NSL1: variants seen among roughly 807,000 people sequenced by gnomAD.
NSL1 encodes the protein NSL1 component of MIS12 kinetochore complex.
A neutral mutation model predicts 25.4 loss-of-function variants in NSL1; 11 were observed. The observed-to-expected ratio is 0.43, with a 90% CI of 0.27 to 0.72. The LOEUF (loss-of-function observed/expected upper bound fraction) is 0.72, where lower values mean the gene tolerates loss of function less well. Ranked by LOEUF, NSL1 falls within the 30% of genes least tolerant of loss-of-function variation. The pLI is 0.19. For missense variants in NSL1, 330 were observed against 342.7 expected (o/e 0.96, Z 0.29); for synonymous variants, 118 against 120.6 (o/e 0.98, Z 0.14).
chr1:212,748,919 C>T (rs1056513042), intron 4 of NSL1, among the ~76,000 whole-genome samples: 3 of 151,998 alleles, frequency 2.0e-5, no homozygotes, highest in East Asian at 1.9e-4. Context: ...ATACAATAAA[C>T]GCACTGTTTT....
chr1:212,790,932 A>T (rs893100532), intron 1 of NSL1, among the ~76,000 whole-genome samples: 5 of 148,826 alleles, frequency 3.4e-5, no homozygotes, highest in Non-Finnish European at 5.9e-5. Context: ...CAAAAAAAAA[A>T]AATAAAATAA....
chr1:212,759,936 G>A (rs1412173656), intron 4 of NSL1, among the ~76,000 whole-genome samples: 1 of 152,126 alleles, frequency 6.6e-6, no homozygotes, highest in African/African-American at 2.4e-5. Context: ...CAAGGCTACT[G>A]CGCACTGGCA....
At chr1:212,781,931 C>T (rs978614062) in intron 4 of NSL1, 11 of 382,080 alleles carry the variant, frequency 2.9e-5, no homozygotes, top group East Asian at 7.1e-5. Flanking sequence ...AATGAGTATA[C>T]TTATTTCTTC....
rs1354036994 is a variant in NSL1, at chr1:212,729,349, C to A, written c.*9059G>T. 7.1e-6 allele frequency: 7 copies of A among 981,884 alleles called. No individual in the cohort carries two copies. The highest frequency in any genetic ancestry group is 1.8e-5 in the African/African-American group (1 of 57,126). The allele number at this position is 981,884 out of a possible 1,614,324, so 60.8% of individuals were successfully genotyped here. ...ACGGCAAATTGCTTGTGGGCAGGGTCTGTGCCTTGGTTTACAGGTGTACAT... is the reference window on the plus strand; with the variant it reads ...ACGGCAAATTGCTTGTGGGCAGGGTATGTGCCTTGGTTTACAGGTGTACAT... On this transcript the variant is annotated 3_prime_UTR_variant, in exon 6 of 6. Transcript: ENST00000366977.
At chr1:212,790,180 AT>A (rs1391055693) in intron 1 of NSL1, among the ~76,000 whole-genome samples, 2 of 151,966 alleles carry the variant, frequency 1.3e-5, no homozygotes, top group African/African-American at 4.8e-5. Context: ...TGGCCGGCTA[AT>A]TTTTTGTATT....
chr1:212,733,433 C>CCA lies in NSL1; in HGVS notation c.*4974_*4975insTG, dbSNP rs1553250440. 7.4e-6 allele frequency among the ~76,000 whole-genome samples: 1 copy of CCA among 135,900 alleles called. No homozygotes were observed. Among genetic ancestry groups the CCA allele is most frequent in the African/African-American group, 2.7e-5 (1 of 37,216 alleles). The allele number at this position is 135,900 out of a possible 152,430, so 89.2% of individuals were successfully genotyped here. ...GGCAACACAGCAAGACCTTGTTTCACAAAAAAAAAAAAAAAAAAATCCCAT... is the reference window on the plus strand; with the variant it reads ...GGCAACACAGCAAGACCTTGTTTCACCAAAAAAAAAAAAAAAAAAAATCCCAT... On this transcript the variant is annotated 3_prime_UTR_variant, in exon 6 of 6. Coordinates refer to ENST00000366977, the MANE Select transcript of NSL1 (RefSeq NM_015471.4).
Position 212,791,769 on chromosome 1 carries a change from G to C in NSL1, c.-6C>G. On this transcript the variant is annotated 5_prime_UTR_variant, in exon 1 of 6. Transcript: ENST00000366977. ...AACTCAGGAGACCCCGCCATTTTTC[G>C]TCGGAACTGTGGGCGGGGCACTCTG... 6.2e-7 allele frequency: 1 copy of C among 1,602,176 alleles called. No individual in the cohort carries two copies. Among genetic ancestry groups the C allele is most frequent in the Non-Finnish European group, 8.5e-7 (1 of 1,172,670 alleles).
chr1:212,737,153 C>G lies in NSL1; in HGVS notation c.*1255G>C. 5.1e-6 allele frequency: 5 copies of G among 985,268 alleles called. No homozygotes were observed. Among genetic ancestry groups the G allele is most frequent in the South Asian group, 4.7e-5 (1 of 21,284 alleles). 61.0% of individuals were successfully genotyped at this position (985,268 alleles called of 1,614,324 possible). A position where few individuals can be genotyped will look rare whatever the true frequency, so the allele number is the denominator to read the frequency against. On this transcript the variant is annotated 3_prime_UTR_variant, in exon 6 of 6. Coordinates refer to ENST00000366977, the MANE Select transcript of NSL1 (RefSeq NM_015471.4). The stretch of plus-strand genomic sequence containing the variant: ...GCCTAAGACAACTCATAAAAATACA[C>G]AGCATCAAGATCAGTCTTTGTACAT...
At position 212,727,291 on chromosome 1, in the gene NSL1, C is replaced by A; in HGVS notation, c.*11117G>T. ...CAGAGCTGTTTCACAACCCTTTGTT[C>A]CAGGCAGGGCCCAGGATCCCCTTCC... On this transcript the variant is annotated 3_prime_UTR_variant, in exon 6 of 6. Transcript: ENST00000366977. The A allele has an allele frequency of 1.5e-6, 2 of 1,323,196 alleles. No homozygotes were observed. Among genetic ancestry groups the A allele is most frequent in the South Asian group, 4.5e-5 (2 of 44,774 alleles). The allele number at this position is 1,323,196 out of a possible 1,614,324, so 82.0% of individuals were successfully genotyped here.
At position 212,732,416 on chromosome 1, in the gene NSL1, G is replaced by A. The variant is rs190733746; in HGVS notation, c.*5992C>T. The A allele has an allele frequency of 1.7e-5, 7 of 422,112 alleles. No individual in the cohort carries two copies. The highest frequency in any genetic ancestry group is 1.2e-3 in the Middle Eastern group (1 of 830). 26.1% of individuals were successfully genotyped at this position (422,112 alleles called of 1,614,324 possible). On this transcript the variant is annotated 3_prime_UTR_variant, in exon 6 of 6. Coordinates refer to ENST00000366977, the MANE Select transcript of NSL1 (RefSeq NM_015471.4). ...CAACCTCTGCCTCCTGGGTTCAAGC[G>A]ATTCTCCAGCCTCAGCCTCCTGAGT... is the stretch of plus-strand genomic sequence containing the variant.
At chr1:212,790,614 T>G (rs541369030) in intron 1 of NSL1, among the ~76,000 whole-genome samples, 1 of 152,094 alleles carries the variant, frequency 6.6e-6, no homozygotes, top group East Asian at 1.9e-4. Flanking sequence ...ATGACCACAG[T>G]GCAAACAGTA....
At position 212,739,582 on chromosome 1, in the gene NSL1, C is replaced by T; in HGVS notation, c.519G>A (p.Leu173=). Residue 173 remains leucine, a synonymous_variant, in exon 5 of 6, where the codon TTG becomes TTA. Coordinates refer to ENST00000366977, the MANE Select transcript of NSL1 (RefSeq NM_015471.4). ...TTGCTACTGTTTCCCCTCTGCATTT[C>T]AAATTTTCCATATGAGGGGCTGCAA... ...DPDPAPHMEN[L]KCRGETVAKE... 6.2e-7 allele frequency: 1 copy of T among 1,613,536 alleles called. No individual in the cohort carries two copies. Among genetic ancestry groups the T allele is most frequent in the Non-Finnish European group, 8.5e-7 (1 of 1,179,722 alleles).
chr1:212,731,890 C>A lies in NSL1; in HGVS notation c.*6518G>T. Reference sequence around the variant, plus strand: ...AGCTCCATGTCCTGGGACACCCTACCCTGCCCCAGGACCCAGCAGCTATAA... The same window carrying A: ...AGCTCCATGTCCTGGGACACCCTACACTGCCCCAGGACCCAGCAGCTATAA... On this transcript the variant is annotated 3_prime_UTR_variant, in exon 6 of 6. Coordinates refer to ENST00000366977, the MANE Select transcript of NSL1 (RefSeq NM_015471.4). 2.0e-6 allele frequency: 2 copies of A among 985,432 alleles called. No homozygotes were observed. The highest frequency in any genetic ancestry group is 2.4e-6 in the Non-Finnish European group (2 of 829,930). The allele number at this position is 985,432 out of a possible 1,614,324, so 61.0% of individuals were successfully genotyped here. A position where few individuals can be genotyped will look rare whatever the true frequency, so the allele number is the denominator to read the frequency against.
chr1:212,747,800 C>T (rs1406742614), intron 4 of NSL1, among the ~76,000 whole-genome samples: 1 of 152,160 alleles, frequency 6.6e-6, no homozygotes, highest in Non-Finnish European at 1.5e-5. Context: ...GGGTCTCACT[C>T]TGTCACCCAG....
At chr1:212,779,798 C>T (rs1340987679) in intron 4 of NSL1, among the ~76,000 whole-genome samples, 2 of 116,082 alleles carry the variant, frequency 1.7e-5, no homozygotes, top group African/African-American at 3.1e-5. Flanking sequence ...GTCAGCCCCC[C>T]GCCCGGCCAG....
rs145059172 is a variant in NSL1 at position 212,739,551 on chromosome 1, T to C, written c.550A>G (p.Ile184Val). 3 of 1,613,570 alleles carry C rather than the reference T, an allele frequency of 1.9e-6. No individual in the cohort carries two copies. The highest frequency in any genetic ancestry group is 2.2e-5 in the East Asian group (1 of 44,804). The change falls in exon 5 of 6, where the codon ATC (isoleucine) becomes GTC (valine). Residue 184 changes from isoleucine (I) to valine (V), a missense_variant. Coordinates refer to ENST00000366977, the MANE Select transcript of NSL1 (RefSeq NM_015471.4). ...GCTTTTACCTTCATGGCTTCACTGA[T>C]CTCCTTTGCTACTGTTTCCCCTCTG... ...KCRGETVAKEISEAMKSLPAL... is the reference protein window; with the variant it reads ...KCRGETVAKEVSEAMKSLPAL...
chr1:212,783,070 G>A (rs7538755), intron 3 of NSL1, among the ~76,000 whole-genome samples: 30,225 of 152,084 alleles, frequency 0.2, 3,689 homozygotes, highest in African/African-American at 0.35. Flanking sequence ...ACTTTGGGAG[G>A]CCCAGGCAGG....
intron 1 of NSL1, among the ~76,000 whole-genome samples, chr1:212,790,526 C>A (rs1484294008): frequency 1.3e-5 from 2 of 152,082 alleles, no homozygotes; most frequent in Non-Finnish European, 2.9e-5. Flanking sequence ...TGTGTGCTTC[C>A]TTATAACAGG....
chr1:212,791,775 A>C lies in NSL1; in HGVS notation c.-12T>G. On this transcript the variant is annotated 5_prime_UTR_variant, in exon 1 of 6. Coordinates refer to ENST00000366977, the MANE Select transcript of NSL1 (RefSeq NM_015471.4). The stretch of plus-strand genomic sequence containing the variant: ...GGAGACCCCGCCATTTTTCGTCGGA[A>C]CTGTGGGCGGGGCACTCTGGGAGCG... The C allele has an allele frequency of 6.2e-7, 1 of 1,601,054 alleles. No homozygotes were observed. Among genetic ancestry groups the C allele is most frequent in the African/African-American group, 1.3e-5 (1 of 74,610 alleles).
Sources: gnomAD v4.1 joint callset for allele counts (sites outside exome capture counted in the v4.1 genomes callset) on GRCh38, gnomAD v4.1.1 for gene constraint, MANE v1.5 for transcripts, NCBI Gene and HGNC (gene_info 2026-07-23, HGNC 2026-07-21) for gene names.